Variants in NKAIN2 observed in about 807,000 individuals in gnomAD.
NKAIN2 encodes sodium/potassium transporting ATPase interacting 2.
Under a neutral mutation model 32.6 loss-of-function variants are expected in NKAIN2, and 14 were observed. The ratio of observed to expected loss-of-function variants is 0.43; its 90% CI spans 0.28 to 0.67. NKAIN2 has a LOEUF of 0.67. Ranked by LOEUF, NKAIN2 falls within the 30% of genes least tolerant of loss-of-function variation. The probability of loss-of-function intolerance (pLI) is 0.17; values close to 1 mark genes in which losing one functional copy is unlikely to be tolerated. For synonymous variants in NKAIN2, 80 were observed against 87.2 expected, an observed-to-expected ratio of 0.92 and a Z score of 0.46; for missense variants, 198 against 258.3, an observed-to-expected ratio of 0.77 and a Z score of 1.60.
chr6:124,052,986 G>T (rs1321343546), intron 1 of NKAIN2, among the ~76,000 whole-genome samples: 1 of 152,106 alleles, frequency 6.6e-6, no homozygotes, highest in Admixed American at 6.6e-5. Flanking sequence ...AGGTGAGGGG[G>T]CATAAAATGG....
intron 3 of NKAIN2, among the ~76,000 whole-genome samples, chr6:124,397,715 C>CA (rs201398346): frequency 0.01 from 1,571 of 152,200 alleles, 23 homozygotes; most frequent in African/African-American, 0.035. Flanking sequence ...ATCCATATAA[C>CA]AAGCATGTCA....
Position 124,625,071 on chromosome 6 carries a change from A to G in NKAIN2, c.274-33115A>G, listed in dbSNP as rs1783260731. 3.9e-5 allele frequency among the ~76,000 whole-genome samples: 6 copies of G among 152,126 alleles called. No individual in the cohort carries two copies. In the South Asian group the frequency reaches 1.0e-3, roughly 26 times the overall value. On this transcript the variant is annotated intron_variant, in intron 3 of 6. Coordinates refer to ENST00000368417, the MANE Select transcript of NKAIN2 (RefSeq NM_001040214.3). ...ATCTAAAATACTAAGTAGGAAGAAC[A>G]AGTCATTTTCTTGAACATCCTCCTC... is the stretch of plus-strand genomic sequence containing the variant.
chr6:123,868,139 A>T (rs2114268320), intron 1 of NKAIN2, among the ~76,000 whole-genome samples: 1 of 152,146 alleles, frequency 6.6e-6, no homozygotes, highest in Non-Finnish European at 1.5e-5. Flanking sequence ...AAGTGCTGGG[A>T]TTACAGGCGT....
At chr6:124,055,443 GAGTTAGATGGA>G (rs1208328712) in intron 1 of NKAIN2, among the ~76,000 whole-genome samples, 2 of 152,020 alleles carry the variant, frequency 1.3e-5, no homozygotes, top group African/African-American at 4.8e-5. Context: ...GGTGATTTGA[GAGTTAGATGGA>G]AGCTATTTAG....
At chr6:124,404,269 C>G (rs1773750261) in intron 3 of NKAIN2, among the ~76,000 whole-genome samples, 1 of 152,052 alleles carries the variant, frequency 6.6e-6, no homozygotes, top group Non-Finnish European at 1.5e-5. Flanking sequence ...AACTGTTATT[C>G]TCGTGGAGGG....
intron 3 of NKAIN2, among the ~76,000 whole-genome samples, chr6:124,464,968 A>G (rs1776685551): frequency 6.6e-6 from 1 of 151,992 alleles, no homozygotes; most frequent in African/African-American, 2.4e-5. Flanking sequence ...CAGTATGGCC[A>G]TTTTCACAAT....
intron 4 of NKAIN2, among the ~76,000 whole-genome samples, chr6:124,715,649 A>C (rs1488498007): frequency 6.6e-6 from 1 of 152,188 alleles, no homozygotes; most frequent in Non-Finnish European, 1.5e-5. Context: ...CACGATGTAC[A>C]TTGCTAGCAG....
At chr6:124,658,523 AG>A (rs1483092409) in intron 4 of NKAIN2, 137 bp downstream of exon 4, 13 of 1,496,804 alleles carry the variant, frequency 8.7e-6, no homozygotes, top group Non-Finnish European at 1.1e-5. Flanking sequence ...GACTTTTAAC[AG>A]GAAATCCTCA....
chr6:124,361,325 T>G (rs1799278244), intron 3 of NKAIN2, among the ~76,000 whole-genome samples: 4 of 152,198 alleles, frequency 2.6e-5, no homozygotes, highest in Middle Eastern at 3.4e-3. Flanking sequence ...AATTAAATAC[T>G]TACACTTTTC....
chr6:124,019,549 A>G (rs892456908), intron 1 of NKAIN2, among the ~76,000 whole-genome samples: 15 of 152,304 alleles, frequency 9.8e-5, no homozygotes, highest in African/African-American at 3.4e-4. Flanking sequence ...TTATGAGTCT[A>G]CTTGCCAGAG....
At chr6:124,575,233 G>A (rs559055785) in intron 3 of NKAIN2, among the ~76,000 whole-genome samples, 3 of 152,104 alleles carry the variant, frequency 2.0e-5, no homozygotes, top group Non-Finnish European at 4.4e-5. Context: ...CACTGGCAAG[G>A]TCTGTCCCCT....
At chr6:124,282,364 A>G in intron 1 of NKAIN2, 2 of 282,618 alleles carry the variant, frequency 7.1e-6, no homozygotes. Context: ...GTAGCCAGGT[A>G]TGACAAAACA....
At chr6:124,723,006 A>G (rs1240332163) in intron 4 of NKAIN2, among the ~76,000 whole-genome samples, 3 of 152,170 alleles carry the variant, frequency 2.0e-5, no homozygotes, top group Non-Finnish European at 4.4e-5. Flanking sequence ...AGCTCTAGAG[A>G]TTGGGCCTCA....
At chr6:124,476,335 T>C (rs1293953463) in intron 3 of NKAIN2, among the ~76,000 whole-genome samples, 2 of 150,010 alleles carry the variant, frequency 1.3e-5, no homozygotes, top group Non-Finnish European at 3.0e-5. Flanking sequence ...TCATTACCTC[T>C]TAAGGAGGTT....
chr6:124,103,318 C>T (rs1039265606), intron 1 of NKAIN2, among the ~76,000 whole-genome samples: 3 of 152,078 alleles, frequency 2.0e-5, no homozygotes, highest in South Asian at 2.1e-4. Context: ...ATATTATCAA[C>T]GTGGGGATTT....
At chr6:124,812,865 GT>G (rs754884982) in intron 5 of NKAIN2, among the ~76,000 whole-genome samples, 1 of 151,012 alleles carries the variant, frequency 6.6e-6, no homozygotes, top group Non-Finnish European at 1.5e-5. Context: ...CTACCTCTTT[GT>G]CCATTCATCT....
Position 124,266,703 on chromosome 6 carries a change from A to G in NKAIN2, c.55-16302A>G, listed in dbSNP as rs183135295. Among the ~76,000 whole-genome samples, 366 of 152,352 alleles carry G rather than the reference A, an allele frequency of 2.4e-3. 2 individuals are homozygous for G. Among genetic ancestry groups the G allele is most frequent in the African/African-American group, 8.2e-3 (342 of 41,588 alleles). On this transcript the variant is annotated intron_variant, in intron 1 of 6. Transcript: ENST00000368417. ...TATTAAGACATTCATACAGACCTAC[A>G]TTACTGTAATGTTGCTTAGCATAGT...
intron 1 of NKAIN2, among the ~76,000 whole-genome samples, chr6:123,877,421 T>C (rs994309145): frequency 6.6e-6 from 1 of 152,238 alleles, no homozygotes. Context: ...AGAATACTTA[T>C]ATTTTATGAC....
intron 1 of NKAIN2, among the ~76,000 whole-genome samples, chr6:123,889,129 C>A (rs565637099): frequency 3.2e-4 from 49 of 152,214 alleles, no homozygotes; most frequent in African/African-American, 1.0e-3. Context: ...ATCATAAATC[C>A]AAACCAGAAC....
Sources: allele counts gnomAD v4.1 joint callset (sites outside exome capture counted in the v4.1 genomes callset), GRCh38; gene constraint gnomAD v4.1.1; transcripts MANE v1.5; gene names NCBI Gene and HGNC (gene_info 2026-07-23, HGNC 2026-07-21).